ZBTB20: variants seen among roughly 807,000 people sequenced by gnomAD.
The protein encoded by ZBTB20 is zinc finger and BTB domain containing 20, also known as zinc finger and BTB domain-containing protein 20.
ZBTB20 carries 9 observed loss-of-function variants against 56.9 expected under a neutral mutation model. The observed-to-expected ratio is 0.16, with a 90% CI of 0.10 to 0.28. The LOEUF (loss-of-function observed/expected upper bound fraction) is 0.28. Among genes scored for constraint, ZBTB20 ranks in the 10% least tolerant of loss-of-function variants. The pLI, the probability that ZBTB20 is intolerant of heterozygous loss-of-function variation, is 1.00. For missense variants in ZBTB20, 655 were observed against 1,003.0 expected (o/e 0.65, Z 4.69); for synonymous variants, 417 against 420.7 (o/e 0.99, Z 0.11).
chr3:114,459,920 C>G (rs1388766251), intron 7 of ZBTB20, among the ~76,000 whole-genome samples: 1 of 151,862 alleles, frequency 6.6e-6, no homozygotes, highest in Non-Finnish European at 1.5e-5. Context: ...ATAGTAAGCA[C>G]TTGGTTTTTA....
intron 7 of ZBTB20, among the ~76,000 whole-genome samples, chr3:114,433,833 T>C (rs540450993): frequency 3.9e-5 from 6 of 152,262 alleles, no homozygotes; most frequent in Non-Finnish European, 5.9e-5. Context: ...CACCCCTCCA[T>C]AGACATACTG....
chr3:115,032,642 G>A (rs755187050), intron 2 of ZBTB20, among the ~76,000 whole-genome samples: 1 of 151,166 alleles, frequency 6.6e-6, no homozygotes, highest in Admixed American at 6.6e-5. Context: ...CACATATTAG[G>A]CCACAAATTA....
chr3:114,569,103 G>A (rs148721105), intron 6 of ZBTB20, among the ~76,000 whole-genome samples: 3 of 152,272 alleles, frequency 2.0e-5, no homozygotes, highest in Admixed American at 6.5e-5. Flanking sequence ...ATTTGGGTGA[G>A]TTGTTAATGG....
At chr3:114,349,953 T>C (rs1050001636) in intron 11 of ZBTB20, among the ~76,000 whole-genome samples, 2 of 152,202 alleles carry the variant, frequency 1.3e-5, no homozygotes, top group African/African-American at 4.8e-5. Flanking sequence ...AAGCTCTTCC[T>C]GACTACAGTA....
rs1406175846 is a variant in ZBTB20 at position 114,324,873 on chromosome 3, G to A, written c.*14132C>T. The A allele has an allele frequency of 1.3e-5, 2 of 152,100 alleles. No homozygotes were observed. The highest frequency in any genetic ancestry group is 2.9e-5 in the Non-Finnish European group (2 of 68,014). 9.4% of individuals were successfully genotyped at this position (152,100 alleles called of 1,614,324 possible). ...TTTGTCTGGGTCTTCACCCTCCAAAGGTAAGTCTGCTTGTCTGCTCATACC... is the reference window on the plus strand; with the variant it reads ...TTTGTCTGGGTCTTCACCCTCCAAAAGTAAGTCTGCTTGTCTGCTCATACC... On this transcript the variant is annotated 3_prime_UTR_variant, in exon 12 of 12. Coordinates refer to ENST00000675478, the MANE Select transcript of ZBTB20 (RefSeq NM_001348800.3).
intron 1 of ZBTB20, among the ~76,000 whole-genome samples, chr3:115,115,409 T>C (rs1484150697): frequency 1.3e-5 from 2 of 152,088 alleles, no homozygotes; most frequent in Admixed American, 1.3e-4. Flanking sequence ...AGTGATTATT[T>C]TGGTGATTTA....
chr3:114,542,366 G>T (rs542764924), intron 6 of ZBTB20, among the ~76,000 whole-genome samples: 1 of 152,170 alleles, frequency 6.6e-6, no homozygotes, highest in Non-Finnish European at 1.5e-5. Context: ...TAGAGCTAAA[G>T]TGCCACCTCA....
chr3:114,639,597 C>G (rs1313515807), intron 6 of ZBTB20, among the ~76,000 whole-genome samples: 2 of 151,580 alleles, frequency 1.3e-5, no homozygotes, highest in Admixed American at 1.3e-4. Context: ...TTTTTAGGAA[C>G]AAATCAAATT....
intron 2 of ZBTB20, among the ~76,000 whole-genome samples, chr3:115,061,819 A>G (rs1341045131): frequency 6.6e-6 from 1 of 152,202 alleles, no homozygotes; most frequent in Non-Finnish European, 1.5e-5. Flanking sequence ...ATGAACAGTA[A>G]AAGTCAATTA....
chr3:114,505,625 C>T (rs1195854708), intron 6 of ZBTB20, among the ~76,000 whole-genome samples: 2 of 152,062 alleles, frequency 1.3e-5, no homozygotes, highest in African/African-American at 2.4e-5. Flanking sequence ...TGTTTTCTAT[C>T]GGTAGAGATA....
intron 2 of ZBTB20, among the ~76,000 whole-genome samples, chr3:115,002,079 A>G (rs1364661747): frequency 6.6e-6 from 1 of 151,518 alleles, no homozygotes; most frequent in Non-Finnish European, 1.5e-5. Flanking sequence ...CCAGAAATTG[A>G]CCCACATAAG....
At chr3:114,776,145 G>A (rs1360539804) in intron 5 of ZBTB20, among the ~76,000 whole-genome samples, 3 of 150,630 alleles carry the variant, frequency 2.0e-5, no homozygotes, top group African/African-American at 7.3e-5. Context: ...GGAGAAGGGA[G>A]AACAAGGGAA....
At chr3:114,589,395 G>T (rs938173375) in intron 6 of ZBTB20, among the ~76,000 whole-genome samples, 1 of 152,084 alleles carries the variant, frequency 6.6e-6, no homozygotes, top group Non-Finnish European at 1.5e-5. Flanking sequence ...AGAAATAAAA[G>T]CCAGTCACAC....
intron 4 of ZBTB20, among the ~76,000 whole-genome samples, chr3:114,858,729 C>G (rs946571201): frequency 3.9e-5 from 6 of 152,114 alleles, no homozygotes; most frequent in African/African-American, 1.4e-4. Context: ...ACATCAGCAT[C>G]TTATCACTTT....
At chr3:114,904,117 G>GTGTTTGTT (rs147801017) in intron 3 of ZBTB20, among the ~76,000 whole-genome samples, 9 of 151,960 alleles carry the variant, frequency 5.9e-5, no homozygotes, top group Admixed American at 1.3e-4. Flanking sequence ...ATACTATAGA[G>GTGTTTGTT]TGTTTGTTTG....
intron 3 of ZBTB20, among the ~76,000 whole-genome samples, chr3:114,929,553 C>T (rs1314715989): frequency 6.6e-6 from 1 of 152,166 alleles, no homozygotes; most frequent in African/African-American, 2.4e-5. Context: ...AAGGAAATTA[C>T]TATAAAATGT....
intron 2 of ZBTB20, among the ~76,000 whole-genome samples, chr3:115,050,927 C>A (rs1353628401): frequency 6.6e-6 from 1 of 152,030 alleles, no homozygotes; most frequent in Non-Finnish European, 1.5e-5. Context: ...CATAGGAGGA[C>A]AAAATTACAA....
chr3:115,132,224 A>G (rs931803252), intron 1 of ZBTB20, among the ~76,000 whole-genome samples: 1 of 152,154 alleles, frequency 6.6e-6, no homozygotes, highest in Non-Finnish European at 1.5e-5. Context: ...TTGTTTTCAT[A>G]TAGTTCCTGT....
chr3:115,067,462 T>C (rs749720740), intron 2 of ZBTB20, among the ~76,000 whole-genome samples: 1 of 151,728 alleles, frequency 6.6e-6, no homozygotes, highest in Non-Finnish European at 1.5e-5. Context: ...TAATCTTTAT[T>C]TGGGCATATA....
Sources: gnomAD v4.1 joint callset for allele counts (sites outside exome capture counted in the v4.1 genomes callset) on GRCh38, gnomAD v4.1.1 for gene constraint, MANE v1.5 for transcripts, NCBI Gene and HGNC (gene_info 2026-07-23, HGNC 2026-07-21) for gene names.